Variants in RPL39L observed in about 807,000 individuals in gnomAD.
The protein encoded by RPL39L is ribosomal protein L39 like, also known as ribosomal protein eL39-like 2.
For synonymous variants in RPL39L, 16 were observed against 20.1 expected (o/e 0.80, Z 0.55); for missense variants, 48 against 58.9 (o/e 0.81, Z 0.61).
chr3:187,126,019 A>C (rs1320189074), intron 2 of RPL39L, among the ~76,000 whole-genome samples: 1 of 152,200 alleles, frequency 6.6e-6, no homozygotes, highest in Non-Finnish European at 1.5e-5. Context: ...AAAGGTCATA[A>C]AATATTTTTA....
At chr3:187,130,688 CTCAGA>C (rs1367022969) in intron 1 of RPL39L, among the ~76,000 whole-genome samples, 1 of 152,202 alleles carries the variant, frequency 6.6e-6, no homozygotes, top group Non-Finnish European at 1.5e-5. Flanking sequence ...ATTACCCAGT[CTCAGA>C]TATTTCCTTA....
At chr3:187,131,387 A>G (rs1720483535) in intron 1 of RPL39L, among the ~76,000 whole-genome samples, 1 of 152,132 alleles carries the variant, frequency 6.6e-6, no homozygotes, top group Non-Finnish European at 1.5e-5. Context: ...AAATACAAAA[A>G]TTAGCCAGGC....
chr3:187,124,058 T>TA (rs1720356700), intron 2 of RPL39L, among the ~76,000 whole-genome samples: 1 of 152,230 alleles, frequency 6.6e-6, no homozygotes, highest in Non-Finnish European at 1.5e-5. Flanking sequence ...GTCCTCATTC[T>TA]AGTACAATAG....
chr3:187,121,033 C>A lies in RPL39L; in HGVS notation c.*112G>T. 8.4e-7 allele frequency: 1 copy of A among 1,193,474 alleles called. No individual in the cohort carries two copies. Among genetic ancestry groups the A allele is most frequent in the Non-Finnish European group, 1.2e-6 (1 of 824,530 alleles). 73.9% of individuals were successfully genotyped at this position (1,193,474 alleles called of 1,614,324 possible). A position where few individuals can be genotyped will look rare whatever the true frequency, so the allele number is the denominator to read the frequency against. On this transcript the variant is annotated 3_prime_UTR_variant, in exon 3 of 3. Coordinates refer to ENST00000296277, the MANE Select transcript of RPL39L (RefSeq NM_052969.3). ...ACAGAAAAACAGAAAAAAATATTCC[C>A]AGTAAAACATGTGCAACTGTCCAGG...
chr3:187,137,845 A>G (rs1720612058), intron 1 of RPL39L, among the ~76,000 whole-genome samples: 2 of 152,056 alleles, frequency 1.3e-5, no homozygotes, highest in African/African-American at 2.4e-5. Flanking sequence ...AAGGAAAAAA[A>G]GAGACTTTAA....
At chr3:187,122,773 G>A (rs559733557) in intron 2 of RPL39L, among the ~76,000 whole-genome samples, 2 of 152,256 alleles carry the variant, frequency 1.3e-5, no homozygotes, top group Admixed American at 6.5e-5. Flanking sequence ...AGCACATGAT[G>A]CCCCTAACCC....
intron 2 of RPL39L, among the ~76,000 whole-genome samples, chr3:187,125,353 A>C (rs991773623): frequency 4.6e-5 from 7 of 152,222 alleles, no homozygotes; most frequent in Non-Finnish European, 7.3e-5. Context: ...TTTTAAACAA[A>C]AGTTATCAAC....
chr3:187,134,496 A>AAAAAAAAAAAAAAAAAAAAAAG (rs1362750015), intron 1 of RPL39L, among the ~76,000 whole-genome samples: 112 of 150,826 alleles, frequency 7.4e-4, no homozygotes, highest in Non-Finnish European at 1.3e-3. Flanking sequence ...AAAAAAAAAA[A>AAAAAAAAAAAAAAAAAAAAAAG]AAAAAAGAAG....
chr3:187,137,046 A>G (rs766971576), intron 1 of RPL39L, among the ~76,000 whole-genome samples: 3 of 151,930 alleles, frequency 2.0e-5, no homozygotes, highest in Admixed American at 6.6e-5. Flanking sequence ...TCTCTACAAA[A>G]AAATTTAAAA....
intron 1 of RPL39L, among the ~76,000 whole-genome samples, chr3:187,135,728 G>GGT (rs1429875252): frequency 2.0e-5 from 3 of 152,228 alleles, no homozygotes; most frequent in Non-Finnish European, 4.4e-5. Context: ...TAAACCAAGT[G>GGT]TGTTGATCCA....
At chr3:187,131,348 C>T (rs1384751579) in intron 1 of RPL39L, among the ~76,000 whole-genome samples, 1 of 152,114 alleles carries the variant, frequency 6.6e-6, no homozygotes, top group Admixed American at 6.5e-5. Context: ...ACCAGCCTGA[C>T]CAACATGGTA....
chr3:187,133,580 C>T (rs1560201433), intron 1 of RPL39L, among the ~76,000 whole-genome samples: 1 of 151,976 alleles, frequency 6.6e-6, no homozygotes, highest in African/African-American at 2.4e-5. Context: ...AAAAATCTGC[C>T]CAGACCTTTC....
chr3:187,128,678 T>A (rs1380285570), intron 1 of RPL39L, among the ~76,000 whole-genome samples: 1 of 152,232 alleles, frequency 6.6e-6, no homozygotes. Context: ...GCCTGGCCTG[T>A]AACAGTTATT....
At chr3:187,126,409 C>T (rs1720398790) in intron 2 of RPL39L, among the ~76,000 whole-genome samples, 1 of 152,132 alleles carries the variant, frequency 6.6e-6, no homozygotes, top group Non-Finnish European at 1.5e-5. Flanking sequence ...GGCGATCTGC[C>T]CGCCTCGGCC....
intron 2 of RPL39L, 107 bp from the exon 3 acceptor site, chr3:187,121,435 C>T (rs768345489): frequency 9.6e-6 from 11 of 1,151,380 alleles, no homozygotes; most frequent in South Asian, 1.5e-5. Context: ...AGTGCCACAG[C>T]GAGGGCTCAT....
chr3:187,121,838 ATAT>A (rs1169155022), intron 2 of RPL39L, among the ~76,000 whole-genome samples: 10 of 152,220 alleles, frequency 6.6e-5, no homozygotes, highest in African/African-American at 2.2e-4. Context: ...GATATTGTAG[ATAT>A]TATTTTGTAA....
chr3:187,121,408 CAAGA>C, intron 2 of RPL39L, 80 bp from the exon 3 acceptor site: 2 of 1,387,562 alleles, frequency 1.4e-6, no homozygotes, highest in Non-Finnish European at 2.0e-6. Flanking sequence ...AATAACAAGA[CAAGA>C]AAGAGGATCT....
chr3:187,132,545 G>A (rs1229916985), intron 1 of RPL39L, among the ~76,000 whole-genome samples: 4 of 152,084 alleles, frequency 2.6e-5, no homozygotes, highest in South Asian at 4.1e-4. Flanking sequence ...CTCTATTTTC[G>A]GGAATATTTC....
chr3:187,123,058 C>T (rs1720339963), intron 2 of RPL39L, among the ~76,000 whole-genome samples: 1 of 151,966 alleles, frequency 6.6e-6, no homozygotes, highest in Admixed American at 6.6e-5. Flanking sequence ...AAGGAAATAC[C>T]AGAAGAAATA....
Sources: allele counts gnomAD v4.1 joint callset (sites outside exome capture counted in the v4.1 genomes callset), GRCh38; gene constraint gnomAD v4.1.1; transcripts MANE v1.5; gene names NCBI Gene and HGNC (gene_info 2026-07-23, HGNC 2026-07-21).